DCC: variants seen among roughly 807,000 people sequenced by gnomAD.
DCC encodes netrin receptor DCC.
Under a neutral mutation model 172.5 loss-of-function variants are expected in DCC, and 58 were observed. That is an observed-to-expected ratio of 0.34 (90% CI 0.27 to 0.42). The LOEUF is 0.42. Ranked by LOEUF, DCC falls within the 10% of genes least tolerant of loss-of-function variation. The pLI is 1.00. For synonymous variants in DCC, 709 were observed against 644.5 expected, an observed-to-expected ratio of 1.10 and a Z score of -1.52; for missense variants, 1,740 against 1,791.0, an observed-to-expected ratio of 0.97 and a Z score of 0.51.
chr18:53,379,579 C>A (rs1466326014), intron 15 of DCC, among the ~76,000 whole-genome samples: 1 of 152,136 alleles, frequency 6.6e-6, no homozygotes, highest in African/African-American at 2.4e-5. Context: ...ATGGGTCTCT[C>A]ACCTACCAAG....
intron 5 of DCC, among the ~76,000 whole-genome samples, chr18:52,953,813 C>T (rs1306493989): frequency 2.0e-5 from 3 of 152,148 alleles, no homozygotes; most frequent in East Asian, 1.9e-4. Flanking sequence ...AGTGTCTGCA[C>T]GAGTCCAAAA....
chr18:53,507,055 G>GAAAT (rs1398144226), intron 27 of DCC, among the ~76,000 whole-genome samples: 1 of 151,622 alleles, frequency 6.6e-6, no homozygotes, highest in African/African-American at 2.4e-5. Flanking sequence ...AGTTACTACA[G>GAAAT]AAATAAGGGT....
chr18:52,601,138 C>T (rs759466911), intron 1 of DCC, among the ~76,000 whole-genome samples: 4 of 152,070 alleles, frequency 2.6e-5, no homozygotes, highest in Non-Finnish European at 4.4e-5. Context: ...AGGAGGTAGA[C>T]ATCTGGCTGT....
intron 1 of DCC, among the ~76,000 whole-genome samples, chr18:52,746,678 G>A (rs985466278): frequency 6.6e-6 from 1 of 152,076 alleles, no homozygotes; most frequent in African/African-American, 2.4e-5. Context: ...TCATTTTGGT[G>A]AGTTTCTAAA....
intron 16 of DCC, among the ~76,000 whole-genome samples, chr18:53,390,699 T>C (rs547338991): frequency 6.6e-6 from 1 of 152,318 alleles, no homozygotes; most frequent in South Asian, 2.1e-4. Context: ...AGCATAAACA[T>C]GATTACAAGG....
intron 1 of DCC, among the ~76,000 whole-genome samples, chr18:52,741,701 C>T (rs755967294): frequency 3.7e-4 from 56 of 152,268 alleles, no homozygotes; most frequent in Non-Finnish European, 7.2e-4. Flanking sequence ...CCCATTGAAT[C>T]TCACTGTGAG....
At chr18:52,842,082 TTA>T (rs1450730981) in intron 2 of DCC, among the ~76,000 whole-genome samples, 1 of 152,084 alleles carries the variant, frequency 6.6e-6, no homozygotes, top group Non-Finnish European at 1.5e-5. Context: ...TAAAGAAAAT[TTA>T]GTTTTATACA....
intron 2 of DCC, among the ~76,000 whole-genome samples, chr18:52,834,884 A>ATG (rs1568133707): frequency 6.7e-6 from 1 of 149,304 alleles, no homozygotes; most frequent in Non-Finnish European, 1.5e-5. Context: ...TAACTACTAT[A>ATG]TGTGTTTATG....
At chr18:52,481,316 A>G (rs1397761498) in intron 1 of DCC, among the ~76,000 whole-genome samples, 1 of 149,746 alleles carries the variant, frequency 6.7e-6, no homozygotes, top group East Asian at 1.9e-4. Context: ...TTGGGCTCAC[A>G]CAGTTGGCCA....
At chr18:52,500,131 A>C (rs1488776196) in intron 1 of DCC, among the ~76,000 whole-genome samples, 1 of 149,432 alleles carries the variant, frequency 6.7e-6, no homozygotes, top group South Asian at 2.1e-4. Context: ...TTTTTTGCTC[A>C]CACCAAGGAG....
chr18:52,980,422 T>C (rs1177798834), intron 5 of DCC, among the ~76,000 whole-genome samples: 1 of 152,134 alleles, frequency 6.6e-6, no homozygotes, highest in East Asian at 1.9e-4. Context: ...TCCGGTTATC[T>C]AGACAGTTAT....
intron 22 of DCC, among the ~76,000 whole-genome samples, chr18:53,444,065 A>G (rs749773403): frequency 1.3e-5 from 2 of 152,212 alleles, no homozygotes; most frequent in Non-Finnish European, 2.9e-5. Context: ...ACAATGAAAG[A>G]TTGGTAATAT....
intron 1 of DCC, among the ~76,000 whole-genome samples, chr18:52,460,210 A>G (rs201605217): frequency 2.0e-5 from 3 of 151,894 alleles, no homozygotes; most frequent in Non-Finnish European, 4.4e-5. Context: ...TTTCTAACTC[A>G]TTTCTTTTGA....
At chr18:52,763,554 TA>T (rs1198807802) in intron 2 of DCC, among the ~76,000 whole-genome samples, 1 of 152,194 alleles carries the variant, frequency 6.6e-6, no homozygotes, top group Non-Finnish European at 1.5e-5. Context: ...GCAGATAAAA[TA>T]AATGTTCTCT....
chr18:52,439,174 T>TTGTG (rs60983168), intron 1 of DCC, among the ~76,000 whole-genome samples: 8,214 of 144,694 alleles, frequency 0.057, 388 homozygotes, highest in African/African-American at 0.12. Context: ...AAGATATGTT[T>TTGTG]TGTGTGTGTG....
chr18:53,253,175 T>C (rs140002091), intron 12 of DCC, among the ~76,000 whole-genome samples: 14 of 152,122 alleles, frequency 9.2e-5, no homozygotes, highest in African/African-American at 2.9e-4. Context: ...CCGGAATATT[T>C]TGAAAATCTA....
At chr18:52,364,403 A>T (rs544077225) in intron 1 of DCC, among the ~76,000 whole-genome samples, 1 of 152,350 alleles carries the variant, frequency 6.6e-6, no homozygotes, top group East Asian at 1.9e-4. Context: ...AAATTTTGAT[A>T]AACATTGCAT....
At chr18:52,580,652 G>C (rs2033524177) in intron 1 of DCC, among the ~76,000 whole-genome samples, 1 of 152,182 alleles carries the variant, frequency 6.6e-6, no homozygotes, top group African/African-American at 2.4e-5. Flanking sequence ...GAAAGACTAT[G>C]GATGCCTGGA....
chr18:52,752,625 A>G (rs771366873), intron 2 of DCC, among the ~76,000 whole-genome samples: 6 of 152,156 alleles, frequency 3.9e-5, no homozygotes, highest in Non-Finnish European at 8.8e-5. Context: ...CTGTGGTGAG[A>G]ACATTTAAAA....
Sources: allele counts gnomAD v4.1 joint callset (sites outside exome capture counted in the v4.1 genomes callset), GRCh38; gene constraint gnomAD v4.1.1; transcripts MANE v1.5; gene names NCBI Gene and HGNC (gene_info 2026-07-23, HGNC 2026-07-21).